The following OSBPL10 variants were observed in gnomAD, a reference collection of about 807,000 sequenced individuals.
The protein encoded by OSBPL10 is oxysterol binding protein like 10, also known as oxysterol-binding protein-related protein 10.
OSBPL10 carries 49 observed loss-of-function variants against 81.7 expected under a neutral mutation model. That is an observed-to-expected ratio of 0.60 (90% CI 0.48 to 0.76). The LOEUF (loss-of-function observed/expected upper bound fraction) is 0.76, where lower values mean the gene tolerates loss of function less well. Among genes scored for constraint, OSBPL10 ranks in the 30% least tolerant of loss-of-function variants. The pLI is 0.00. For missense variants in OSBPL10, 923 were observed against 987.8 expected, an observed-to-expected ratio of 0.93 and a Z score of 0.88; for synonymous variants, 419 against 383.6, an observed-to-expected ratio of 1.09 and a Z score of -1.08.
intron 8 of OSBPL10, among the ~76,000 whole-genome samples, chr3:31,680,124 A>G (rs1466519706): frequency 6.6e-6 from 1 of 152,108 alleles, no homozygotes; most frequent in Admixed American, 6.5e-5. Flanking sequence ...ACAAGCAGTC[A>G]CTGGGGTCAG....
intron 7 of OSBPL10, among the ~76,000 whole-genome samples, chr3:31,696,322 T>A (rs1695719104): frequency 6.6e-6 from 1 of 152,258 alleles, no homozygotes; most frequent in Middle Eastern, 3.2e-3. Flanking sequence ...TCAAGCATCT[T>A]AAGAAACCAA....
chr3:31,966,571 C>G lies in OSBPL10; in HGVS notation c.281+14328G>C, dbSNP rs909804208. Among the ~76,000 whole-genome samples, 22 of 151,882 alleles carry G rather than the reference C, an allele frequency of 1.4e-4. No individual in the cohort carries two copies. In the South Asian group the frequency reaches 4.4e-3, roughly 30 times the overall value. Reference sequence around the variant, plus strand: ...TGATAAAAACAAAAAGAAACACGAACAAGTTACCAATATCAGGGAGAAGAA... The same window carrying G: ...TGATAAAAACAAAAAGAAACACGAAGAAGTTACCAATATCAGGGAGAAGAA... On this transcript the variant is annotated intron_variant, in intron 1 of 11. Coordinates refer to ENST00000396556, the MANE Select transcript of OSBPL10 (RefSeq NM_017784.5).
chr3:31,829,310 G>A (rs1403043119), intron 4 of OSBPL10, among the ~76,000 whole-genome samples: 1 of 152,238 alleles, frequency 6.6e-6, no homozygotes, highest in South Asian at 2.1e-4. Context: ...TATAACAGCT[G>A]CAGAGGATGA....
At chr3:31,977,075 C>G (rs1698713131) in intron 1 of OSBPL10, among the ~76,000 whole-genome samples, 1 of 152,100 alleles carries the variant, frequency 6.6e-6, no homozygotes, top group South Asian at 2.1e-4. Flanking sequence ...GGGGTAAGCA[C>G]CTCAAACTGA....
chr3:31,871,230 T>G (rs1262199721), intron 3 of OSBPL10, among the ~76,000 whole-genome samples: 1 of 152,110 alleles, frequency 6.6e-6, no homozygotes, highest in Admixed American at 6.5e-5. Flanking sequence ...CACTCACCCC[T>G]AAGATCTGCA....
At chr3:31,895,102 C>T (rs1033209418) in intron 1 of OSBPL10, among the ~76,000 whole-genome samples, 12 of 148,662 alleles carry the variant, frequency 8.1e-5, no homozygotes, top group African/African-American at 3.0e-4. Context: ...TGTGACAGAA[C>T]ATAAATGCTG....
At chr3:31,816,826 C>T (rs923390098) in intron 4 of OSBPL10, among the ~76,000 whole-genome samples, 2 of 152,162 alleles carry the variant, frequency 1.3e-5, no homozygotes, top group African/African-American at 4.8e-5. Context: ...GTTCAGTTCT[C>T]TGCAGAGAGA....
chr3:31,914,812 CT>C (rs1306583742), intron 1 of OSBPL10, among the ~76,000 whole-genome samples: 1 of 152,184 alleles, frequency 6.6e-6, no homozygotes, highest in East Asian at 1.9e-4. Context: ...ATTTCAAGCA[CT>C]CAATAGCCAC....
intron 1 of OSBPL10, among the ~76,000 whole-genome samples, chr3:31,903,311 GTTTT>G (rs1216950715): frequency 7.0e-6 from 1 of 142,768 alleles, no homozygotes; most frequent in East Asian, 2.0e-4. Context: ...ATAATCCCTT[GTTTT>G]GTTTTGCTTT....
At chr3:32,051,178 A>G (rs543950869) in intron 1 of OSBPL10, among the ~76,000 whole-genome samples, 10 of 152,152 alleles carry the variant, frequency 6.6e-5, no homozygotes, top group Admixed American at 2.0e-4. Flanking sequence ...GACCTAAGAT[A>G]ATTTCTAACA....
intron 3 of OSBPL10, among the ~76,000 whole-genome samples, chr3:31,845,736 C>T (rs1409066279): frequency 1.3e-5 from 2 of 152,142 alleles, no homozygotes; most frequent in Non-Finnish European, 2.9e-5. Context: ...ATTTGAAATT[C>T]TCTACTGCTC....
At chr3:31,672,625 T>G (rs544974990) in intron 8 of OSBPL10, among the ~76,000 whole-genome samples, 15 of 152,288 alleles carry the variant, frequency 9.8e-5, no homozygotes, top group African/African-American at 3.6e-4. Flanking sequence ...TAATTGCCCA[T>G]GCACTATGGT....
chr3:31,982,564 C>T (rs942419898), upstream of OSBPL10, among the ~76,000 whole-genome samples: 1 of 151,954 alleles, frequency 6.6e-6, no homozygotes, highest in African/African-American at 2.4e-5. Context: ...TGGTTTAGCT[C>T]TAGAGATGCA....
At chr3:32,004,766 C>T (rs1246097245) in intron 2 of OSBPL10, among the ~76,000 whole-genome samples, 1 of 152,186 alleles carries the variant, frequency 6.6e-6, no homozygotes, top group Non-Finnish European at 1.5e-5. Context: ...CAGTTATTTG[C>T]AGGTGTATGG....
intron 4 of OSBPL10, among the ~76,000 whole-genome samples, chr3:31,824,744 T>C (rs1379901632): frequency 6.6e-6 from 1 of 152,142 alleles, no homozygotes; most frequent in Non-Finnish European, 1.5e-5. Context: ...GTGCCATCTG[T>C]CTGCGCTTCT....
At chr3:31,899,060 C>T (rs1385403701) in intron 1 of OSBPL10, among the ~76,000 whole-genome samples, 1 of 79,178 alleles carries the variant, frequency 1.3e-5, no homozygotes, top group African/African-American at 5.0e-5. Context: ...CTCCCTGCCT[C>T]AGCCTATCAA....
chr3:31,939,144 C>CT (rs57544063), intron 1 of OSBPL10, among the ~76,000 whole-genome samples: 14,044 of 65,234 alleles, frequency 0.22, 919 homozygotes, highest in Non-Finnish European at 0.26. Context: ...CTCTCTCATC[C>CT]TTTTTTTTTT....
chr3:31,663,849 G>A (rs1032661578), intron 11 of OSBPL10: 14 of 1,422,448 alleles, frequency 9.8e-6, no homozygotes, highest in Middle Eastern at 2.6e-4. Context: ...ATACTGGAGG[G>A]GAAGTGTCAG....
intron 1 of OSBPL10, among the ~76,000 whole-genome samples, chr3:31,956,745 C>G (rs960045575): frequency 6.6e-6 from 1 of 151,210 alleles, no homozygotes; most frequent in Non-Finnish European, 1.5e-5. Context: ...AAAAAGGGGG[C>G]CTTTCATGGA....
Sources: gnomAD v4.1 joint callset for allele counts (sites outside exome capture counted in the v4.1 genomes callset) on GRCh38, gnomAD v4.1.1 for gene constraint, MANE v1.5 for transcripts, NCBI Gene and HGNC (gene_info 2026-07-23, HGNC 2026-07-21) for gene names.